The following AP5M1 variants were observed in gnomAD, a reference collection of about 807,000 sequenced individuals.
The protein encoded by AP5M1 is AP-5 complex subunit mu-1.
In AP5M1, 44 loss-of-function variants were observed where a neutral mutation model predicts 52.3. That is an observed-to-expected ratio of 0.84 (90% confidence interval 0.66 to 1.08). AP5M1 has a LOEUF of 1.08. Ranked by LOEUF, AP5M1 falls within the 50% of genes least tolerant of loss-of-function variation. AP5M1 has a pLI of 0.00. For missense variants in AP5M1, 526 were observed against 568.4 expected (o/e 0.93, Z 0.76); for synonymous variants, 213 against 199.0 (o/e 1.07, Z -0.59).
At chr14:57,281,934 C>A (rs774122822) in intron 3 of AP5M1, among the ~76,000 whole-genome samples, 155 bp from the exon 4 acceptor site, 11 of 152,124 alleles carry the variant, frequency 7.2e-5, no homozygotes, top group Admixed American at 3.3e-4. Context: ...AGAGAAGAAT[C>A]CCTATCCTTA....
At chr14:57,277,947 T>C (rs937708711) in intron 2 of AP5M1, among the ~76,000 whole-genome samples, 29 of 152,108 alleles carry the variant, frequency 1.9e-4, no homozygotes, top group African/African-American at 6.5e-4. Context: ...TGGTGCAATC[T>C]AATATATGAT....
chr14:57,270,309 TA>T (rs1401940564), intron 1 of AP5M1, among the ~76,000 whole-genome samples: 1 of 152,248 alleles, frequency 6.6e-6, no homozygotes, highest in Non-Finnish European at 1.5e-5. Context: ...TAACTCATTG[TA>T]AAATGTTGGT....
chr14:57,269,064 G>T lies in AP5M1; in HGVS notation c.-251G>T. On this transcript the variant is annotated 5_prime_UTR_variant, in exon 1 of 8. Transcript: ENST00000261558. ...AGGAAGAAAATACCGGAGTTGCAGGGTATAGGTAAATTTCTCAAGGTTATA... is the reference window on the plus strand; with the variant it reads ...AGGAAGAAAATACCGGAGTTGCAGGTTATAGGTAAATTTCTCAAGGTTATA... 2 of 567,930 alleles carry T rather than the reference G, an allele frequency of 3.5e-6. No individual in the cohort carries two copies. The highest frequency in any genetic ancestry group is 6.2e-6 in the Non-Finnish European group (2 of 324,338). 35.2% of individuals were successfully genotyped at this position (567,930 alleles called of 1,614,324 possible). A position where few individuals can be genotyped will look rare whatever the true frequency, so the allele number is the denominator to read the frequency against.
At chr14:57,272,224 C>T (rs1884912183) in intron 1 of AP5M1, among the ~76,000 whole-genome samples, 1 of 152,098 alleles carries the variant, frequency 6.6e-6, no homozygotes, top group South Asian at 2.1e-4. Context: ...AATTCTGTAT[C>T]ATTGAATGAC....
Position 57,274,269 on chromosome 14 carries a change from G to A in AP5M1, c.100G>A (p.Ala34Thr), listed in dbSNP as rs1229288977. Residue 34 changes from alanine (A) to threonine (T), a missense_variant, in exon 2 of 8, where the codon GCC becomes ACC. Physicochemically the swap from Ala to Thr is moderately conservative, Grantham distance 58. Coordinates refer to ENST00000261558, the MANE Select transcript of AP5M1 (RefSeq NM_018229.4). ...SRRYPTVEKR[A>T]RVFNGASYVP... ...ACGGTATCCAACTGTTGAAAAACGAGCCAGAGTCTTCAATGGAGCAAGTTA... is the reference window on the plus strand; with the variant it reads ...ACGGTATCCAACTGTTGAAAAACGAACCAGAGTCTTCAATGGAGCAAGTTA... The A allele has an allele frequency of 6.2e-7, 1 of 1,612,580 alleles. No homozygotes were observed. The highest frequency in any genetic ancestry group is 8.5e-7 in the Non-Finnish European group (1 of 1,179,090).
chr14:57,272,506 A>G (rs1289086073), intron 1 of AP5M1, among the ~76,000 whole-genome samples: 1 of 152,208 alleles, frequency 6.6e-6, no homozygotes, highest in Non-Finnish European at 1.5e-5. Context: ...GGCCCATTTA[A>G]GCCTTGAATC....
At chr14:57,282,908 T>G (rs1310649860) in intron 4 of AP5M1, 26 bp from the exon 5 acceptor site, 1 of 1,475,840 alleles carries the variant, frequency 6.8e-7, no homozygotes, top group Non-Finnish European at 9.3e-7. Context: ...ATGATCTTTT[T>G]CTATTTTATC....
At chr14:57,270,211 A>T (rs1884852598) in intron 1 of AP5M1, among the ~76,000 whole-genome samples, 1 of 152,186 alleles carries the variant, frequency 6.6e-6, no homozygotes, top group African/African-American at 2.4e-5. Context: ...TGTATTCACT[A>T]TTTCATATAT....
At position 57,274,307 on chromosome 14, in the gene AP5M1, T is replaced by A; in HGVS notation, c.138T>A (p.Pro46=). 1 of 1,614,200 alleles carries A rather than the reference T, an allele frequency of 6.2e-7. No individual in the cohort carries two copies. Among genetic ancestry groups the A allele is most frequent in the Non-Finnish European group, 8.5e-7 (1 of 1,180,020 alleles). ...VFNGASYVPV[P]EDGPFLKALL... is the part of the protein sequence containing the mutation. ...ATGGAGCAAGTTATGTGCCTGTTCC[T>A]GAAGATGGTCCCTTTCTTAAAGCAC... is the stretch of plus-strand genomic sequence containing the variant. The change falls in exon 2 of 8, where the codon CCT becomes CCA. Residue 46 remains proline, a synonymous_variant. Coordinates refer to ENST00000261558, the MANE Select transcript of AP5M1 (RefSeq NM_018229.4).
Position 57,289,030 on chromosome 14 carries a change from G to C in AP5M1, c.*146G>C, listed in dbSNP as rs1238743953. On this transcript the variant is annotated 3_prime_UTR_variant, in exon 8 of 8. Coordinates refer to ENST00000261558, the MANE Select transcript of AP5M1 (RefSeq NM_018229.4). ...AAAGTAGTCTTATGTGGTGTTTGTA[G>C]TCTGATAGAGCTTGAAAGGACATTT... is the stretch of plus-strand genomic sequence containing the variant. 2.0e-6 allele frequency: 1 copy of C among 495,420 alleles called. No individual in the cohort carries two copies. The highest frequency in any genetic ancestry group is 3.5e-6 in the Non-Finnish European group (1 of 282,068). The allele number at this position is 495,420 out of a possible 1,614,324, so 30.7% of individuals were successfully genotyped here. A position where few individuals can be genotyped will look rare whatever the true frequency, so the allele number is the denominator to read the frequency against.
chr14:57,296,492 C>A lies in AP5M1; in HGVS notation c.*7608C>A, dbSNP rs1391527709. ...AAAAAGTTATGTGTTTGTCAATAAT[C>A]AAAAAATGTTTAATCTAAAATAAAG... On this transcript the variant is annotated 3_prime_UTR_variant, in exon 8 of 8. Transcript: ENST00000261558. 1 of 151,938 alleles carries A rather than the reference C, an allele frequency of 6.6e-6. No homozygotes were observed. Among genetic ancestry groups the A allele is most frequent in the African/African-American group, 2.4e-5 (1 of 41,400 alleles). 9.4% of individuals were successfully genotyped at this position (151,938 alleles called of 1,614,324 possible). A position where few individuals can be genotyped will look rare whatever the true frequency, so the allele number is the denominator to read the frequency against.
At chr14:57,279,401 T>C (rs949630354) in intron 2 of AP5M1, among the ~76,000 whole-genome samples, 1 of 152,118 alleles carries the variant, frequency 6.6e-6, no homozygotes, top group Non-Finnish European at 1.5e-5. Flanking sequence ...GAGTTGGAAA[T>C]CATTATTCTC....
Position 57,295,272 on chromosome 14 carries a change from A to T in AP5M1, c.*6388A>T, listed in dbSNP as rs1007304405. The stretch of plus-strand genomic sequence containing the variant: ...GAGAAGAAGAGGAATGACTGGATCA[A>T]ATTAATAGAAATAGATCTTTTTGCA... On this transcript the variant is annotated 3_prime_UTR_variant, in exon 8 of 8. Transcript: ENST00000261558. 10 of 151,956 alleles carry T rather than the reference A, an allele frequency of 6.6e-5. 1 individual carries two copies. The highest frequency in any genetic ancestry group is 1.5e-4 in the Non-Finnish European group (10 of 67,870). The allele number at this position is 151,956 out of a possible 1,614,324, so 9.4% of individuals were successfully genotyped here. A position where few individuals can be genotyped will look rare whatever the true frequency, so the allele number is the denominator to read the frequency against.
At chr14:57,273,287 C>T (rs949505306) in intron 1 of AP5M1, among the ~76,000 whole-genome samples, 1 of 152,076 alleles carries the variant, frequency 6.6e-6, no homozygotes, top group Non-Finnish European at 1.5e-5. Flanking sequence ...TATTAGTAAA[C>T]ATCAATATTT....
At chr14:57,278,225 A>G (rs558639689) in intron 2 of AP5M1, among the ~76,000 whole-genome samples, 1 of 152,364 alleles carries the variant, frequency 6.6e-6, no homozygotes, top group Admixed American at 6.5e-5. Context: ...GGCTTATTCA[A>G]GAAGCACTGA....
chr14:57,269,763 T>G (rs1218957743), intron 1 of AP5M1, among the ~76,000 whole-genome samples: 1 of 152,232 alleles, frequency 6.6e-6, no homozygotes, highest in African/African-American at 2.4e-5. Flanking sequence ...ACATTTTAAC[T>G]TATTCTACTG....
intron 7 of AP5M1, among the ~76,000 whole-genome samples, chr14:57,287,962 T>C (rs1184863631): frequency 6.6e-6 from 1 of 152,074 alleles, no homozygotes; most frequent in Non-Finnish European, 1.5e-5. Context: ...TAGGGTCCCA[T>C]AGCTTGCAAA....
rs753766525 is a variant in AP5M1 at position 57,274,528 on chromosome 14, C to G, written c.359C>G (p.Pro120Arg). 6.2e-7 allele frequency: 1 copy of G among 1,614,098 alleles called. No homozygotes were observed. The highest frequency in any genetic ancestry group is 1.7e-5 in the Admixed American group (1 of 60,022). ...GTTGAACAAACTCTGTCCCCTCGTC[C>G]GCCACTAATTAGTGTCAGTGGAGTT... Reference protein sequence around the residue: ...PLVEQTLSPRPPLISVSGVSQ... With the variant: ...PLVEQTLSPRRPLISVSGVSQ... The change falls in exon 2 of 8, where the codon CCG becomes CGG. Residue 120 changes from proline to arginine, a missense_variant. Transcript: ENST00000261558.
chr14:57,281,453 G>A (rs573241502), intron 3 of AP5M1, among the ~76,000 whole-genome samples: 3 of 152,352 alleles, frequency 2.0e-5, no homozygotes, highest in Non-Finnish European at 4.4e-5. Flanking sequence ...AAAAGAAGCA[G>A]ACACAGTTCT....
Sources: gnomAD v4.1 joint callset for allele counts (sites outside exome capture counted in the v4.1 genomes callset) on GRCh38, gnomAD v4.1.1 for gene constraint, MANE v1.5 for transcripts, NCBI Gene and HGNC (gene_info 2026-07-23, HGNC 2026-07-21) for gene names.